The following RIT2 variants were observed in gnomAD, a reference collection of about 807,000 sequenced individuals.
RIT2 encodes GTP-binding protein Rit2.
A neutral mutation model predicts 23.7 loss-of-function variants in RIT2; 24 were observed. The observed-to-expected ratio is 1.01, with a 90% confidence interval of 0.73 to 1.43. The LOEUF (loss-of-function observed/expected upper bound fraction) is 1.43. Ranked by LOEUF, RIT2 falls within the 40% of genes most tolerant of loss-of-function variation. RIT2 has a pLI of 0.00. For synonymous variants in RIT2, 107 were observed against 91.1 expected (o/e 1.17, Z -0.99); for missense variants, 236 against 266.9 (o/e 0.88, Z 0.81).
At chr18:43,112,299 T>C (rs1913970361) in intron 1 of RIT2, among the ~76,000 whole-genome samples, 1 of 152,154 alleles carries the variant, frequency 6.6e-6, no homozygotes, top group African/African-American at 2.4e-5. Context: ...ACCTCTGTTT[T>C]TTCATCTGTG....
chr18:42,875,546 C>T (rs1181916713), intron 4 of RIT2, among the ~76,000 whole-genome samples: 2 of 151,974 alleles, frequency 1.3e-5, no homozygotes, highest in African/African-American at 4.8e-5. Context: ...AATCTTTAGT[C>T]AATGCCAGGT....
rs115204761 is a variant in RIT2, at chr18:42,923,095, A to G, written c.426+477T>C. Among the ~76,000 whole-genome samples the G allele has an allele frequency of 5.6e-3, 848 of 152,294 alleles. 9 individuals carry two copies. The highest frequency in any genetic ancestry group is 0.019 in the African/African-American group (798 of 41,572). ...CTGGCTATGTTATGAGGTTACAGTT[A>G]CATGGTGGCTGGTGCTGAAACATGC... On this transcript the variant is annotated intron_variant, in intron 4 of 4. Coordinates refer to ENST00000326695, the MANE Select transcript of RIT2 (RefSeq NM_002930.4).
chr18:42,904,984 G>A (rs558737505), intron 4 of RIT2, among the ~76,000 whole-genome samples: 1 of 152,090 alleles, frequency 6.6e-6, no homozygotes, highest in African/African-American at 2.4e-5. Context: ...TTATCCCAGA[G>A]GATGTATACA....
intron 4 of RIT2, among the ~76,000 whole-genome samples, chr18:42,787,332 G>T (rs934738428): frequency 2.0e-5 from 3 of 151,772 alleles, no homozygotes; most frequent in Non-Finnish European, 4.4e-5. Context: ...TGTAAATGGC[G>T]AGTTAATGGG....
intron 4 of RIT2, among the ~76,000 whole-genome samples, chr18:42,778,169 AG>A (rs1292319204): frequency 6.6e-6 from 1 of 152,204 alleles, no homozygotes; most frequent in East Asian, 1.9e-4. Context: ...AGTATCATTA[AG>A]CCCCTTAGTT....
chr18:43,087,297 T>C (rs1913307430), intron 1 of RIT2, among the ~76,000 whole-genome samples: 1 of 151,158 alleles, frequency 6.6e-6, no homozygotes, highest in South Asian at 2.3e-4. Flanking sequence ...ACTCATTGAG[T>C]AGATAGAAAT....
At chr18:42,859,525 T>C (rs1907271767) in intron 4 of RIT2, among the ~76,000 whole-genome samples, 1 of 152,216 alleles carries the variant, frequency 6.6e-6, no homozygotes, top group Non-Finnish European at 1.5e-5. Context: ...TGATAATGTC[T>C]TTAAAGCTGA....
At chr18:42,818,215 G>C (rs1906051639) in intron 4 of RIT2, among the ~76,000 whole-genome samples, 1 of 151,982 alleles carries the variant, frequency 6.6e-6, no homozygotes, top group Non-Finnish European at 1.5e-5. Context: ...AGAAAAAATG[G>C]TCATGCATTA....
chr18:43,016,562 C>T (rs554801467), intron 2 of RIT2, among the ~76,000 whole-genome samples: 87 of 151,602 alleles, frequency 5.7e-4, no homozygotes, highest in Admixed American at 3.1e-3. Context: ...ACGTTTTATC[C>T]CCCCACCCTC....
At chr18:42,970,512 G>T (rs1351400769) in intron 3 of RIT2, among the ~76,000 whole-genome samples, 1 of 151,928 alleles carries the variant, frequency 6.6e-6, no homozygotes, top group Non-Finnish European at 1.5e-5. Context: ...CCAAAATATG[G>T]TACCTTGGAA....
At chr18:42,762,019 T>G (rs1913314521) in intron 4 of RIT2, among the ~76,000 whole-genome samples, 1 of 152,208 alleles carries the variant, frequency 6.6e-6, no homozygotes, top group Non-Finnish European at 1.5e-5. Context: ...ATGGAATTAT[T>G]GTCATTAGAG....
At chr18:42,957,531 C>A (rs551113003) in intron 3 of RIT2, among the ~76,000 whole-genome samples, 1 of 152,114 alleles carries the variant, frequency 6.6e-6, no homozygotes, top group Admixed American at 6.6e-5. Flanking sequence ...TTCCTGTAAT[C>A]CCAGCACTTT....
At chr18:42,851,943 G>GC (rs1568012746) in intron 4 of RIT2, among the ~76,000 whole-genome samples, 1 of 152,176 alleles carries the variant, frequency 6.6e-6, no homozygotes, top group African/African-American at 2.4e-5. Context: ...CTGAAGAGGC[G>GC]ACAGTTTGCA....
At chr18:42,917,924 A>G (rs1332116689) in intron 4 of RIT2, among the ~76,000 whole-genome samples, 20 of 152,118 alleles carry the variant, frequency 1.3e-4, no homozygotes, top group Non-Finnish European at 1.5e-5. Flanking sequence ...CTTACACTCC[A>G]CATGCCAACC....
At chr18:42,770,772 T>A (rs1913532461) in intron 4 of RIT2, among the ~76,000 whole-genome samples, 1 of 150,840 alleles carries the variant, frequency 6.6e-6, no homozygotes, top group Admixed American at 6.6e-5. Flanking sequence ...CAATACAATC[T>A]TTTCACTGAC....
chr18:42,883,587 T>C (rs539994469), intron 4 of RIT2, among the ~76,000 whole-genome samples: 1 of 152,270 alleles, frequency 6.6e-6, no homozygotes, highest in South Asian at 2.1e-4. Context: ...AAATCTTTTC[T>C]CTCAGTGGGA....
At chr18:42,816,180 A>G (rs760937763) in intron 4 of RIT2, among the ~76,000 whole-genome samples, 20 of 152,080 alleles carry the variant, frequency 1.3e-4, no homozygotes, top group African/African-American at 2.7e-4. Flanking sequence ...GCCAGTTTCC[A>G]TGGTATAAAT....
At chr18:42,942,866 G>A (rs758509675) in intron 3 of RIT2, among the ~76,000 whole-genome samples, 2 of 152,142 alleles carry the variant, frequency 1.3e-5, no homozygotes, top group East Asian at 3.9e-4. Flanking sequence ...TGATGTGATA[G>A]GAAAGCACCC....
At chr18:42,885,360 T>C (rs1037988765) in intron 4 of RIT2, among the ~76,000 whole-genome samples, 1 of 152,116 alleles carries the variant, frequency 6.6e-6, no homozygotes, top group Non-Finnish European at 1.5e-5. Flanking sequence ...CCAAGGTGGG[T>C]GGATCATGAG....
Sources: gnomAD v4.1 joint callset for allele counts (sites outside exome capture counted in the v4.1 genomes callset) on GRCh38, gnomAD v4.1.1 for gene constraint, MANE v1.5 for transcripts, NCBI Gene and HGNC (gene_info 2026-07-23, HGNC 2026-07-21) for gene names.